Variants in RPS6KC1 observed in about 807,000 individuals in gnomAD.
RPS6KC1 encodes the protein inactive ribosomal protein S6 kinase delta-1.
In RPS6KC1, 54 loss-of-function variants were observed where a neutral mutation model predicts 103.8. The observed-to-expected ratio is 0.52, with a 90% CI of 0.42 to 0.65. RPS6KC1 has a LOEUF of 0.65. Ranked by LOEUF, RPS6KC1 falls within the 30% of genes least tolerant of loss-of-function variation. The pLI, the probability that RPS6KC1 is intolerant of heterozygous loss-of-function variation, is 0.00. For synonymous variants in RPS6KC1, 439 were observed against 438.7 expected, an observed-to-expected ratio of 1.00 and a Z score of -0.01; for missense variants, 1,151 against 1,253.8, an observed-to-expected ratio of 0.92 and a Z score of 1.24.
chr1:213,202,594 T>C (rs979039594), intron 8 of RPS6KC1, among the ~76,000 whole-genome samples: 2 of 151,960 alleles, frequency 1.3e-5, no homozygotes, highest in Non-Finnish European at 2.9e-5. Context: ...ACCTGGGCGA[T>C]AGAGTGAGAC....
chr1:213,845,625 T>C, the RPS6KC1 span, among the ~76,000 whole-genome samples: 1 of 152,330 alleles, frequency 6.6e-6, no homozygotes, highest in East Asian at 1.9e-4. Context: ...AATCTTGTTA[T>C]GTGAAGGACA....
At chr1:213,687,965 C>T in the RPS6KC1 span, among the ~76,000 whole-genome samples, 3 of 152,184 alleles carry the variant, frequency 2.0e-5, no homozygotes, top group Non-Finnish European at 2.9e-5. Context: ...ACACCCTTAG[C>T]GGGGAAGATG....
the RPS6KC1 span, among the ~76,000 whole-genome samples, chr1:213,407,145 C>T: frequency 6.6e-6 from 1 of 152,068 alleles, no homozygotes; most frequent in Non-Finnish European, 1.5e-5. Context: ...AATTCCAGGA[C>T]TGCATCTGGG....
chr1:213,435,119 T>C, the RPS6KC1 span, among the ~76,000 whole-genome samples: 1 of 152,220 alleles, frequency 6.6e-6, no homozygotes, highest in African/African-American at 2.4e-5. Context: ...TTTATTGTAA[T>C]ATTTTCAAGT....
the RPS6KC1 span, among the ~76,000 whole-genome samples, chr1:213,573,042 A>G: frequency 1.3e-5 from 2 of 152,158 alleles, no homozygotes; most frequent in Admixed American, 1.3e-4. Context: ...TCCTGCTCTC[A>G]AGTCTGGAGC....
chr1:213,174,670 CAAAAAAAAAAAAA>C (rs370278907), intron 7 of RPS6KC1, among the ~76,000 whole-genome samples: 1,039 of 43,394 alleles, frequency 0.024, 14 homozygotes, highest in African/African-American at 0.075. Flanking sequence ...AACTCCATCT[CAAAAAAAAAAAAA>C]AAAAAAAAAG....
At chr1:213,222,190 C>T (rs577413086) in intron 8 of RPS6KC1, among the ~76,000 whole-genome samples, 3 of 152,168 alleles carry the variant, frequency 2.0e-5, no homozygotes, top group African/African-American at 7.2e-5. Context: ...TTGTTCACTT[C>T]ATGATAATCT....
the RPS6KC1 span, chr1:213,817,635 C>CA: frequency 6.6e-6 from 1 of 152,164 alleles, no homozygotes; most frequent in Non-Finnish European, 1.5e-5. Context: ...AGGAATGTAG[C>CA]ATAGAGGATA....
chr1:213,326,827 A>G, the RPS6KC1 span, among the ~76,000 whole-genome samples: 2 of 152,216 alleles, frequency 1.3e-5, no homozygotes, highest in Non-Finnish European at 2.9e-5. Flanking sequence ...AATAGCTGGT[A>G]GTTTGGCCTC....
At chr1:213,847,646 G>GA in the RPS6KC1 span, among the ~76,000 whole-genome samples, 1 of 152,120 alleles carries the variant, frequency 6.6e-6, no homozygotes, top group Non-Finnish European at 1.5e-5. Flanking sequence ...CCTTTGGTCT[G>GA]AAATGTTCTG....
intron 8 of RPS6KC1, among the ~76,000 whole-genome samples, chr1:213,226,890 T>A (rs1289614623): frequency 2.0e-5 from 3 of 152,244 alleles, no homozygotes; most frequent in African/African-American, 7.2e-5. Flanking sequence ...ATTTCAACTA[T>A]GTATATTTTC....
the RPS6KC1 span, among the ~76,000 whole-genome samples, chr1:213,692,213 G>A: frequency 6.6e-6 from 1 of 152,048 alleles, no homozygotes; most frequent in East Asian, 1.9e-4. Flanking sequence ...GACCAGTCTG[G>A]CCAACATGGT....
chr1:213,849,399 T>C, the RPS6KC1 span, among the ~76,000 whole-genome samples: 1 of 152,334 alleles, frequency 6.6e-6, no homozygotes, highest in East Asian at 1.9e-4. Context: ...TTACCATTTA[T>C]CCTATAATGA....
the RPS6KC1 span, among the ~76,000 whole-genome samples, chr1:213,815,019 C>T: frequency 6.6e-6 from 1 of 152,140 alleles, no homozygotes; most frequent in South Asian, 2.1e-4. Flanking sequence ...ATTGTAGTTT[C>T]CATAATCTCC....
intron 14 of RPS6KC1, among the ~76,000 whole-genome samples, chr1:213,271,045 G>C (rs1255748428): frequency 6.6e-6 from 1 of 152,202 alleles, no homozygotes; most frequent in Non-Finnish European, 1.5e-5. Flanking sequence ...TTAAACATAA[G>C]CTCATTATGT....
the RPS6KC1 span, among the ~76,000 whole-genome samples, chr1:213,662,446 T>G: frequency 4.7e-5 from 7 of 150,270 alleles, no homozygotes; most frequent in East Asian, 1.4e-3. Context: ...TTTTTTTTTT[T>G]TTGTATTTTT....
chr1:213,744,920 T>G, the RPS6KC1 span, among the ~76,000 whole-genome samples: 2 of 152,226 alleles, frequency 1.3e-5, no homozygotes, highest in Non-Finnish European at 2.9e-5. Flanking sequence ...CTGACCCAGA[T>G]AAGCAGACCT....
At chr1:213,441,135 C>G in the RPS6KC1 span, among the ~76,000 whole-genome samples, 1 of 152,304 alleles carries the variant, frequency 6.6e-6, no homozygotes, top group South Asian at 2.1e-4. Flanking sequence ...CAGTGCTATA[C>G]TTCACATAGG....
the RPS6KC1 span, among the ~76,000 whole-genome samples, chr1:213,767,143 G>GT: frequency 6.6e-6 from 1 of 152,062 alleles, no homozygotes; most frequent in African/African-American, 2.4e-5. Context: ...TTAGCTTTAT[G>GT]TATCACTTCC....
Sources: gnomAD v4.1 joint callset for allele counts (sites outside exome capture counted in the v4.1 genomes callset) on GRCh38, gnomAD v4.1.1 for gene constraint, MANE v1.5 for transcripts, NCBI Gene and HGNC (gene_info 2026-07-23, HGNC 2026-07-21) for gene names.